The following CPNE4 variants were observed in gnomAD, a reference collection of about 807,000 sequenced individuals.
CPNE4 encodes copine-4.
CPNE4 carries 25 observed loss-of-function variants against 67.9 expected under a neutral mutation model. The ratio of observed to expected loss-of-function variants is 0.37; its 90% CI spans 0.27 to 0.51. CPNE4 has a LOEUF of 0.51. CPNE4 is among the 20% of genes least tolerant of loss of function. The probability of loss-of-function intolerance (pLI) is 0.93; values close to 1 mark genes in which losing one functional copy is unlikely to be tolerated. For synonymous variants in CPNE4, 242 were observed against 244.9 expected (o/e 0.99, Z 0.11); for missense variants, 464 against 690.8 (o/e 0.67, Z 3.68).
At chr3:132,031,934 TA>T (rs1368565068) in intron 1 of CPNE4, among the ~76,000 whole-genome samples, 1 of 152,206 alleles carries the variant, frequency 6.6e-6, no homozygotes, top group Non-Finnish European at 1.5e-5. Flanking sequence ...GAATATTACA[TA>T]AAACTTCTCT....
intron 2 of CPNE4, among the ~76,000 whole-genome samples, chr3:131,862,024 T>G (rs890565571): frequency 3.3e-5 from 5 of 152,224 alleles, no homozygotes; most frequent in Non-Finnish European, 7.3e-5. Context: ...TTTATTCAAG[T>G]CCCAGTAGAC....
At chr3:131,684,920 G>A (rs2080851828) in intron 6 of CPNE4, among the ~76,000 whole-genome samples, 1 of 152,196 alleles carries the variant, frequency 6.6e-6, no homozygotes, top group Admixed American at 6.5e-5. Flanking sequence ...GGGCCACTTG[G>A]AGAAAGAAGA....
intron 1 of CPNE4, among the ~76,000 whole-genome samples, chr3:131,947,416 G>A (rs2071585243): frequency 6.6e-6 from 1 of 151,980 alleles, no homozygotes; most frequent in African/African-American, 2.4e-5. Flanking sequence ...GCCCCAGTGT[G>A]TGATGTTTCC....
At chr3:131,885,747 GATC>G (rs1159096621) in intron 2 of CPNE4, among the ~76,000 whole-genome samples, 1 of 151,816 alleles carries the variant, frequency 6.6e-6, no homozygotes, top group Non-Finnish European at 1.5e-5. Context: ...GTGTCCATGT[GATC>G]TCATTGTTCA....
chr3:131,683,127 T>C (rs7639642), intron 6 of CPNE4, among the ~76,000 whole-genome samples: 22,129 of 152,144 alleles, frequency 0.15, 3,265 homozygotes, highest in East Asian at 0.67. Flanking sequence ...TGCTGCTCTA[T>C]CTCACTGTGG....
At chr3:131,955,410 GTTTTTT>G (rs766033406) in intron 1 of CPNE4, among the ~76,000 whole-genome samples, 7 of 42,268 alleles carry the variant, frequency 1.7e-4, no homozygotes, top group East Asian at 7.1e-4. Context: ...TGTATGTAAG[GTTTTTT>G]TTTTTTTTTT....
chr3:132,027,416 T>C (rs1250519712), intron 1 of CPNE4, among the ~76,000 whole-genome samples: 2 of 152,200 alleles, frequency 1.3e-5, no homozygotes, highest in Admixed American at 1.3e-4. Flanking sequence ...GCATTTATTT[T>C]CCCATCTTTT....
At chr3:131,737,138 T>G (rs113813885) in intron 2 of CPNE4, among the ~76,000 whole-genome samples, 1 of 133,600 alleles carries the variant, frequency 7.5e-6, no homozygotes. Flanking sequence ...TTTTTTTTTT[T>G]TTTGAGAGGG....
chr3:131,882,034 A>G (rs2087690148), intron 2 of CPNE4, among the ~76,000 whole-genome samples: 1 of 152,024 alleles, frequency 6.6e-6, no homozygotes, highest in African/African-American at 2.4e-5. Context: ...TATTAAATCA[A>G]TTTCTCTTCC....
intron 2 of CPNE4, among the ~76,000 whole-genome samples, chr3:131,887,394 T>C (rs9831351): frequency 0.29 from 43,803 of 152,056 alleles, 7,385 homozygotes; most frequent in Non-Finnish European, 0.37. Context: ...GTCTCAGGTA[T>C]GTCTTTATCA....
In CPNE4 at chr3:131,693,119, T is replaced by G. The variant is rs115995406; in HGVS notation, c.507+3423A>C. ...AGTGTGGAGATGATTGCTAGTCTGT[T>G]GAAAGACAAATTAAAAATGACTGTT... On this transcript the variant is annotated intron_variant, in intron 5 of 15. Coordinates refer to ENST00000429747, the MANE Select transcript of CPNE4 (RefSeq NM_130808.3). Among the ~76,000 whole-genome samples, 601 of 152,266 alleles carry G rather than the reference T, an allele frequency of 3.9e-3. 4 individuals carry two copies. Among genetic ancestry groups the G allele is most frequent in the African/African-American group, 0.014 (569 of 41,552 alleles).
In CPNE4 at chr3:131,905,317, T is replaced by C; in HGVS notation, c.127A>G (p.Lys43Glu). The C allele has an allele frequency of 6.2e-7, 1 of 1,613,614 alleles. No homozygotes were observed. Among genetic ancestry groups the C allele is most frequent in the Non-Finnish European group, 8.5e-7 (1 of 1,179,692 alleles). The change falls in exon 2 of 16, where the codon AAA (lysine) becomes GAA (glutamate). Residue 43 changes from lysine (K) to glutamate (E), a missense_variant. Transcript: ENST00000429747. The part of the protein sequence containing the change: ...KGISDRDALS[K>E]PDPCVILKMQ... ...TTGAGGATGACACAGGGGTCTGGTTTGGAAAGGGCATCTCTGTCAGAAATG... is the reference window on the plus strand; with the variant it reads ...TTGAGGATGACACAGGGGTCTGGTTCGGAAAGGGCATCTCTGTCAGAAATG...
At chr3:131,681,393 T>G (rs1210458706) in intron 6 of CPNE4, among the ~76,000 whole-genome samples, 1 of 152,210 alleles carries the variant, frequency 6.6e-6, no homozygotes, top group African/African-American at 2.4e-5. Flanking sequence ...ATATTTTTGC[T>G]GGATATGCCA....
chr3:131,726,221 C>A (rs1340146023), intron 2 of CPNE4, among the ~76,000 whole-genome samples: 1 of 152,126 alleles, frequency 6.6e-6, no homozygotes, highest in Non-Finnish European at 1.5e-5. Context: ...TGATGTGCAC[C>A]AATTCTGGTA....
chr3:131,677,683 T>C (rs371947194), intron 6 of CPNE4, among the ~76,000 whole-genome samples: 3 of 152,318 alleles, frequency 2.0e-5, no homozygotes, highest in Middle Eastern at 3.4e-3. Flanking sequence ...ATTTATTGAA[T>C]AGGGAGTCCT....
intron 2 of CPNE4, among the ~76,000 whole-genome samples, chr3:131,878,753 T>C (rs1407576945): frequency 6.6e-6 from 1 of 152,086 alleles, no homozygotes; most frequent in Non-Finnish European, 1.5e-5. Flanking sequence ...CCATTAAGAA[T>C]AGATATGCTA....
intron 14 of CPNE4, among the ~76,000 whole-genome samples, chr3:131,546,388 G>A (rs550337312): frequency 2.0e-5 from 3 of 152,170 alleles, no homozygotes; most frequent in African/African-American, 7.2e-5. Flanking sequence ...GATAAAGAGG[G>A]GCATTTTTTA....
chr3:131,772,115 T>C (rs764302396), intron 2 of CPNE4, among the ~76,000 whole-genome samples: 79 of 152,054 alleles, frequency 5.2e-4, no homozygotes, highest in Non-Finnish European at 1.1e-3. Context: ...AGTTTTATCA[T>C]TCCTCAAAGC....
chr3:131,978,092 T>TATATAAA lies in CPNE4; in HGVS notation c.-2+56474_-2+56475insTTTATAT, dbSNP rs1205673038. 7.6e-3 allele frequency among the ~76,000 whole-genome samples: 538 copies of TATATAAA among 70,390 alleles called. 120 individuals carry two copies. In the African/African-American group the frequency reaches 0.078, roughly 10 times the overall value. 46.2% of individuals were successfully genotyped at this position (70,390 alleles called of 152,430 possible). ...AAATATATATAAATATATATAAATA[T>TATATAAA]ATATATAAATATATATAAAATATAT... On this transcript the variant is annotated intron_variant, in intron 1 of 15. Coordinates refer to ENST00000429747, the MANE Select transcript of CPNE4 (RefSeq NM_130808.3).
Sources: gnomAD v4.1 joint callset for allele counts (sites outside exome capture counted in the v4.1 genomes callset) on GRCh38, gnomAD v4.1.1 for gene constraint, MANE v1.5 for transcripts, NCBI Gene and HGNC (gene_info 2026-07-23, HGNC 2026-07-21) for gene names.